The following NEDD9 variants were observed in gnomAD, a reference collection of about 807,000 sequenced individuals.
NEDD9 encodes the protein enhancer of filamentation 1.
NEDD9 carries 26 observed loss-of-function variants against 76.6 expected under a neutral mutation model. The ratio of observed to expected loss-of-function variants is 0.34; its 90% CI spans 0.25 to 0.47. The LOEUF is 0.47. Among genes scored for constraint, NEDD9 ranks in the 20% least tolerant of loss-of-function variants. The pLI, the probability that NEDD9 is intolerant of heterozygous loss-of-function variation, is 1.00. For missense variants in NEDD9, 937 were observed against 1,058.5 expected, an observed-to-expected ratio of 0.89 and a Z score of 1.59; for synonymous variants, 392 against 414.2, an observed-to-expected ratio of 0.95 and a Z score of 0.65.
At position 11,213,289 on chromosome 6, in the gene NEDD9, C is replaced by T; in HGVS notation, c.451G>A (p.Gly151Ser). The T allele has an allele frequency of 6.3e-7, 1 of 1,595,842 alleles. No homozygotes were observed. The highest frequency in any genetic ancestry group is 8.6e-7 in the Non-Finnish European group (1 of 1,168,146). The change falls in exon 2 of 7, where the codon GGT becomes AGT. Residue 151 changes from glycine to serine, a missense_variant. Gly to Ser is a moderately conservative substitution (Grantham distance 56, BLOSUM62 0). Coordinates refer to ENST00000379446, the MANE Select transcript of NEDD9 (RefSeq NM_006403.4). This position sits in a 1 kb window ranked among gnomAD's most constrained non-coding sequence, Gnocchi z 5.4. Reference sequence around the variant, plus strand: ...GTTAGTCATTTACTCACCTTTTTACCCACGTGGGGCCCACTGGTTCCCCCA... The same window carrying T: ...GTTAGTCATTTACTCACCTTTTTACTCACGTGGGGCCCACTGGTTCCCCCA... The part of the protein sequence containing the change: ...SIGGTSGPHV[G>S]KKVITPVRTG...
chr6:11,280,807 T>G (rs190733727), intron 3 of NEDD9, among the ~76,000 whole-genome samples: 2 of 152,260 alleles, frequency 1.3e-5, no homozygotes, highest in Non-Finnish European at 2.9e-5. Context: ...TGCATTGCCC[T>G]TGGTGTTTGC....
intron 3 of NEDD9, among the ~76,000 whole-genome samples, chr6:11,240,433 G>A (rs951703558): frequency 1.7e-4 from 26 of 152,092 alleles, no homozygotes; most frequent in African/African-American, 5.6e-4. Context: ...AGGGTGAAGC[G>A]CTAAAATGGG....
intron 2 of NEDD9, chr6:11,200,224 C>A (rs1161695246): frequency 2.3e-6 from 1 of 442,654 alleles, no homozygotes; most frequent in Admixed American, 2.4e-5. Flanking sequence ...TGGGTTGGAA[C>A]CCTAAGGACT....
chr6:11,343,042 G>T (rs1474102781), intron 1 of NEDD9, among the ~76,000 whole-genome samples: 2 of 152,030 alleles, frequency 1.3e-5, no homozygotes, highest in Non-Finnish European at 2.9e-5. Context: ...GTATACATTA[G>T]TCAAAAGCCA....
rs972814583 is a variant in NEDD9 at position 11,190,821 on chromosome 6, G to A, written c.1048C>T (p.His350Tyr). ...GAGCCTTTAGCATCTGGCGGGTTAT[G>A]CAGAGGGACATCATAAACACCATCC... The part of the protein sequence containing the change: ...ERDGVYDVPL[H>Y]NPPDAKGSRD... Residue 350 changes from histidine to tyrosine, a missense_variant, in exon 5 of 7, where the codon CAT becomes TAT. His to Tyr is a moderately conservative substitution (Grantham distance 83). Coordinates refer to ENST00000379446, the MANE Select transcript of NEDD9 (RefSeq NM_006403.4). The surrounding 1 kb of genome is among the most constrained non-coding windows in gnomAD (Gnocchi z 5.8). 1 of 1,614,160 alleles carries A rather than the reference G, an allele frequency of 6.2e-7. No homozygotes were observed. The highest frequency in any genetic ancestry group is 8.5e-7 in the Non-Finnish European group (1 of 1,180,032).
chr6:11,191,261 G>A, intron 4 of NEDD9, 56 bp from the exon 5 acceptor site: 1 of 1,505,054 alleles, frequency 6.6e-7, no homozygotes, highest in Non-Finnish European at 8.9e-7. Context: ...ATGGGAACCT[G>A]TGGTCCCATG....
chr6:11,298,341 G>A (rs971407769), intron 3 of NEDD9, among the ~76,000 whole-genome samples: 85 of 152,120 alleles, frequency 5.6e-4, no homozygotes, highest in African/African-American at 2.0e-3. Context: ...GTTTAATAAT[G>A]GGGGAAAAAA....
At chr6:11,363,467 C>T (rs1762712483) in intron 1 of NEDD9, among the ~76,000 whole-genome samples, 1 of 152,112 alleles carries the variant, frequency 6.6e-6, no homozygotes, top group Non-Finnish European at 1.5e-5. Context: ...CAAAGCAAGC[C>T]TCATGGAATG....
intron 2 of NEDD9, among the ~76,000 whole-genome samples, chr6:11,317,546 G>A (rs1481472685): frequency 6.6e-6 from 1 of 152,118 alleles, no homozygotes; most frequent in Non-Finnish European, 1.5e-5. Context: ...ATTACACAAA[G>A]AACAGAGGAA....
intron 1 of NEDD9, among the ~76,000 whole-genome samples, chr6:11,335,266 C>T (rs930000958): frequency 5.9e-5 from 9 of 152,074 alleles, no homozygotes; most frequent in Admixed American, 2.0e-4. Flanking sequence ...GTGGTTGGAC[C>T]GAGAAGAAGC....
rs200047696 is a variant in NEDD9, at chr6:11,190,902, C to A, written c.967G>T (p.Val323Phe). 1 of 1,614,082 alleles carries A rather than the reference C, an allele frequency of 6.2e-7. No homozygotes were observed. The highest frequency in any genetic ancestry group is 1.7e-5 in the Admixed American group (1 of 60,016). ...TCTGCTGGTGGCTCAAGAAACTGAA[C>A]GCCTCGGGGGACATCATATGCGTCG... ...QNDAYDVPRG[V>F]QFLEPPAETS... Residue 323 changes from valine (V) to phenylalanine (F), a missense_variant, in exon 5 of 7, where the codon GTT (valine) becomes TTT (phenylalanine). Coordinates refer to ENST00000379446, the MANE Select transcript of NEDD9 (RefSeq NM_006403.4). The surrounding 1 kb of genome is among the most constrained non-coding windows in gnomAD (Gnocchi z 5.8).
intron 1 of NEDD9, among the ~76,000 whole-genome samples, chr6:11,371,272 C>T (rs1242185342): frequency 6.6e-6 from 1 of 152,192 alleles, no homozygotes; most frequent in African/African-American, 2.4e-5. Context: ...TGCATTGACA[C>T]ATCATTATGA....
intron 3 of NEDD9, among the ~76,000 whole-genome samples, chr6:11,302,043 C>CA (rs1283975149): frequency 6.6e-6 from 1 of 151,618 alleles, no homozygotes; most frequent in African/African-American, 2.4e-5. Context: ...GAGAGAGACA[C>CA]AAAAAACCCT....
chr6:11,192,393 C>T lies in NEDD9; in HGVS notation c.615G>A (p.Val205=). 1 of 1,608,360 alleles carries T rather than the reference C, an allele frequency of 6.2e-7. No homozygotes were observed. Among genetic ancestry groups the T allele is most frequent in the South Asian group, 1.1e-5 (1 of 89,662 alleles). ...SAKGPVFSVP[V]GEIKPQGVYD... ...ACACCCCTTGAGGTTTTATCTCTCCCACTGGAACTGAAAACACAGGGCCTT... is the reference window on the plus strand; with the variant it reads ...ACACCCCTTGAGGTTTTATCTCTCCTACTGGAACTGAAAACACAGGGCCTT... Residue 205 remains valine (V), a synonymous_variant, in exon 4 of 7, where the codon GTG becomes GTA. Transcript: ENST00000379446.
At chr6:11,235,503 G>T (rs1321616403), upstream of NEDD9, among the ~76,000 whole-genome samples, 1 of 152,166 alleles carries the variant, frequency 6.6e-6, no homozygotes. This position sits in a 1 kb window ranked among gnomAD's most constrained non-coding sequence, Gnocchi z 4.1. Flanking sequence ...AGTGAGAGTT[G>T]AGGAAAATAA....
intron 1 of NEDD9, among the ~76,000 whole-genome samples, chr6:11,374,285 G>A (rs1003981135): frequency 3.3e-5 from 5 of 152,152 alleles, no homozygotes; most frequent in Middle Eastern, 3.4e-3. Flanking sequence ...TCTCCACTCC[G>A]GTGGAGTGAC....
intron 1 of NEDD9, among the ~76,000 whole-genome samples, chr6:11,218,263 T>C (rs1429077156): frequency 6.6e-6 from 1 of 152,224 alleles, no homozygotes; most frequent in Non-Finnish European, 1.5e-5. Flanking sequence ...CGCAGAGGTT[T>C]GCTGTGTCTC....
chr6:11,313,420 G>A (rs1761438763), intron 2 of NEDD9, among the ~76,000 whole-genome samples: 1 of 137,758 alleles, frequency 7.3e-6, no homozygotes, highest in South Asian at 2.1e-4. Flanking sequence ...TAGATGAATA[G>A]ATGGATGGGT....
chr6:11,236,535 G>C (rs1038256504), upstream of NEDD9, among the ~76,000 whole-genome samples: 3 of 152,202 alleles, frequency 2.0e-5, no homozygotes, highest in Non-Finnish European at 2.9e-5. This position sits in a 1 kb window ranked among gnomAD's most constrained non-coding sequence, Gnocchi z 5.5. Flanking sequence ...TGTGAGGGCA[G>C]GAAATGACTT....
Sources: allele counts gnomAD v4.1 joint callset (sites outside exome capture counted in the v4.1 genomes callset), GRCh38; gene constraint gnomAD v4.1.1; non-coding constraint Gnocchi (gnomAD v3.1); transcripts MANE v1.5; gene names NCBI Gene and HGNC (gene_info 2026-07-23, HGNC 2026-07-21).